The following IQUB variants were observed in gnomAD, a reference collection of about 807,000 sequenced individuals.
The protein encoded by IQUB is IQ motif and ubiquitin-like domain-containing protein.
Under a neutral mutation model 86.4 loss-of-function variants are expected in IQUB, and 86 were observed. The observed-to-expected ratio is 1.00, with a 90% CI of 0.84 to 1.19. The LOEUF is 1.19. IQUB is among the 50% of genes most tolerant of loss of function. The pLI, the probability that IQUB is intolerant of heterozygous loss-of-function variation, is 0.00. For missense variants in IQUB, 946 were observed against 916.9 expected (o/e 1.03, Z -0.41); for synonymous variants, 289 against 304.5 (o/e 0.95, Z 0.53).
intron 8 of IQUB, among the ~76,000 whole-genome samples, chr7:123,477,745 G>GA (rs903671935): frequency 6.6e-6 from 1 of 151,888 alleles, no homozygotes; most frequent in African/African-American, 2.4e-5. Context: ...AAATTTACAA[G>GA]AAAAAAACAA....
intron 1 of IQUB, among the ~76,000 whole-genome samples, chr7:123,525,077 T>C (rs1341236768): frequency 6.6e-6 from 1 of 152,222 alleles, no homozygotes; most frequent in African/African-American, 2.4e-5. Flanking sequence ...GATAAGCTTT[T>C]TCATGTGCTG....
At chr7:123,465,874 G>A (rs1435415764) in intron 9 of IQUB, among the ~76,000 whole-genome samples, 1 of 151,714 alleles carries the variant, frequency 6.6e-6, no homozygotes, top group Non-Finnish European at 1.5e-5. Flanking sequence ...TCTGAAGTGG[G>A]GCCTAGGTAT....
rs545731438 is a variant in IQUB, at chr7:123,487,682, G to C, written c.1235-7712C>G. Among the ~76,000 whole-genome samples, 12 of 152,320 alleles carry C rather than the reference G, an allele frequency of 7.9e-5. No individual in the cohort carries two copies. In the South Asian group the frequency reaches 2.5e-3, roughly 32 times the overall value. Reference sequence around the variant, plus strand: ...TGTCCTCTATTCACCGATAGAGCAAGTAAAGTAAATCATTAAGAGCAGAAA... The same window carrying C: ...TGTCCTCTATTCACCGATAGAGCAACTAAAGTAAATCATTAAGAGCAGAAA... On this transcript the variant is annotated intron_variant, in intron 7 of 12. Coordinates refer to ENST00000324698, the MANE Select transcript of IQUB (RefSeq NM_178827.5).
intron 2 of IQUB, among the ~76,000 whole-genome samples, chr7:123,510,606 T>A (rs1286717722): frequency 6.6e-6 from 1 of 152,078 alleles, no homozygotes; most frequent in African/African-American, 2.4e-5. Flanking sequence ...ACTTCAAATT[T>A]TAATGGAGAA....
chr7:123,533,977 G>A (rs903633104), intron 1 of IQUB, among the ~76,000 whole-genome samples: 9 of 152,176 alleles, frequency 5.9e-5, no homozygotes, highest in African/African-American at 1.9e-4. Context: ...CATTTAGAAT[G>A]TAGTATAATT....
In IQUB at chr7:123,492,623, G is replaced by A. The variant is rs566129890; in HGVS notation, c.1234+4073C>T. On this transcript the variant is annotated intron_variant, in intron 7 of 12. Transcript: ENST00000324698. ...ATGGAAACCTGCCTGAGCGGGGAAA[G>A]GGTAGATCCTCTGAACACACCCTCA... Among the ~76,000 whole-genome samples the A allele has an allele frequency of 2.0e-5, 3 of 152,182 alleles. No homozygotes were observed. In the South Asian group the frequency reaches 6.2e-4, roughly 32 times the overall value.
At chr7:123,470,424 T>C (rs1794467113) in intron 8 of IQUB, among the ~76,000 whole-genome samples, 1 of 152,220 alleles carries the variant, frequency 6.6e-6, no homozygotes, top group African/African-American at 2.4e-5. Context: ...TGTAATACAA[T>C]TTACACCATA....
chr7:123,502,732 ATTT>A lies in IQUB; in HGVS notation c.885_887del (p.Lys295del). On this transcript the variant is annotated inframe_deletion, in exon 6 of 13. Coordinates refer to ENST00000324698, the MANE Select transcript of IQUB (RefSeq NM_178827.5). The stretch of plus-strand genomic sequence containing the variant: ...ATGTTGTATTTGTAGTTTGTTGGAG[ATTT>A]TTTTTCTGAAAAACTGTCTAAAAGA... 1 of 1,602,002 alleles carries A rather than the reference ATTT, an allele frequency of 6.2e-7. No individual in the cohort carries two copies.
At chr7:123,477,120 C>T (rs1265512241) in intron 8 of IQUB, among the ~76,000 whole-genome samples, 5 of 152,016 alleles carry the variant, frequency 3.3e-5, no homozygotes, top group Non-Finnish European at 5.9e-5. Flanking sequence ...AAAGAGAGCC[C>T]GCATTACCAA....
intron 11 of IQUB, chr7:123,458,116 GA>G (rs1462964421): frequency 1.3e-5 from 2 of 151,902 alleles, no homozygotes; most frequent in Admixed American, 6.6e-5. Context: ...ATTTAATAAA[GA>G]TAAGTAATTC....
intron 11 of IQUB, among the ~76,000 whole-genome samples, chr7:123,459,011 T>C (rs1245221957): frequency 6.6e-6 from 1 of 151,986 alleles, no homozygotes; most frequent in Non-Finnish European, 1.5e-5. Context: ...ATGAGAATGT[T>C]CAAACATTCA....
At chr7:123,507,372 CA>C (rs1282241496) in intron 3 of IQUB, among the ~76,000 whole-genome samples, 3 of 152,134 alleles carry the variant, frequency 2.0e-5, no homozygotes, top group Non-Finnish European at 4.4e-5. Context: ...ATTCTGAGCA[CA>C]CTTAAGGTAG....
chr7:123,485,455 G>T (rs373878573), intron 7 of IQUB, among the ~76,000 whole-genome samples: 2 of 152,128 alleles, frequency 1.3e-5, no homozygotes, highest in African/African-American at 4.8e-5. Context: ...ATATGGATTT[G>T]GGGGGAACAT....
chr7:123,456,883 G>A lies in IQUB; in HGVS notation c.2193+498C>T, dbSNP rs192406567. ...AGAACTACACCCCATCAGTATGATT[G>A]CTATTTAGAGCACAAAATTATGAAC... is the stretch of plus-strand genomic sequence containing the variant. On this transcript the variant is annotated intron_variant, in intron 12 of 12. Transcript: ENST00000324698. The A allele has an allele frequency of 9.2e-4, 141 of 153,024 alleles. 1 individual carries two copies. In the Middle Eastern group the frequency reaches 0.014, roughly 15 times the overall value. The allele number at this position is 153,024 out of a possible 1,614,324, so 9.5% of individuals were successfully genotyped here.
At chr7:123,526,729 G>C (rs1797234235) in intron 1 of IQUB, among the ~76,000 whole-genome samples, 1 of 151,074 alleles carries the variant, frequency 6.6e-6, no homozygotes, top group South Asian at 2.1e-4. Context: ...GTGTGAATTT[G>C]ATCCTGTCAT....
chr7:123,482,985 T>C (rs562682740), intron 7 of IQUB, among the ~76,000 whole-genome samples: 6 of 152,280 alleles, frequency 3.9e-5, no homozygotes, highest in Admixed American at 1.3e-4. Flanking sequence ...AAAGTCACTT[T>C]ACTCATCAGC....
chr7:123,461,072 G>A (rs112711670), intron 11 of IQUB, among the ~76,000 whole-genome samples: 73 of 149,728 alleles, frequency 4.9e-4, no homozygotes, highest in Non-Finnish European at 9.8e-4. Flanking sequence ...ACTGTTATTC[G>A]TAAACACTAG....
At chr7:123,483,335 T>C (rs1795085567) in intron 7 of IQUB, among the ~76,000 whole-genome samples, 1 of 152,120 alleles carries the variant, frequency 6.6e-6, no homozygotes, top group Non-Finnish European at 1.5e-5. Flanking sequence ...GGGCTACATT[T>C]ACTTAATAAA....
chr7:123,518,925 A>G (rs1288676435), intron 1 of IQUB, among the ~76,000 whole-genome samples: 2 of 148,828 alleles, frequency 1.3e-5, no homozygotes, highest in Non-Finnish European at 1.5e-5. Flanking sequence ...CTAATTCCTC[A>G]TCTTCCATGT....
Sources: allele counts gnomAD v4.1 joint callset (sites outside exome capture counted in the v4.1 genomes callset), GRCh38; gene constraint gnomAD v4.1.1; transcripts MANE v1.5; gene names NCBI Gene and HGNC (gene_info 2026-07-23, HGNC 2026-07-21).